The following BICC1 variants were observed in gnomAD, a reference collection of about 807,000 sequenced individuals.
BICC1 encodes protein bicaudal C homolog 1.
Under a neutral mutation model 111.0 loss-of-function variants are expected in BICC1, and 43 were observed. The ratio of observed to expected loss-of-function variants is 0.39; its 90% CI spans 0.30 to 0.50. The LOEUF (loss-of-function observed/expected upper bound fraction) is 0.50. Among genes scored for constraint, BICC1 ranks in the 20% least tolerant of loss-of-function variants. The pLI, the probability that BICC1 is intolerant of heterozygous loss-of-function variation, is 0.88. For synonymous variants in BICC1, 467 were observed against 434.4 expected (o/e 1.07, Z -0.93); for missense variants, 1,091 against 1,203.2 (o/e 0.91, Z 1.38).
chr10:58,625,626 A>G lies in BICC1; in HGVS notation c.237+4725A>G, dbSNP rs1466326422. Reference sequence around the variant, plus strand: ...AAAGGCTAACAGTAAGACTAAAACAATGAGATATTGATGGCTTATGTGGTT... The same window carrying G: ...AAAGGCTAACAGTAAGACTAAAACAGTGAGATATTGATGGCTTATGTGGTT... On this transcript the variant is annotated intron_variant, in intron 2 of 20. Coordinates refer to ENST00000373886, the MANE Select transcript of BICC1 (RefSeq NM_001080512.3). Among the ~76,000 whole-genome samples the G allele has an allele frequency of 2.0e-5, 3 of 152,362 alleles. No homozygotes were observed. In the East Asian group the frequency reaches 5.8e-4, roughly 29 times the overall value.
intron 3 of BICC1, among the ~76,000 whole-genome samples, chr10:58,713,968 A>G (rs1366787479): frequency 6.6e-6 from 1 of 152,200 alleles, no homozygotes; most frequent in African/African-American, 2.4e-5. Flanking sequence ...CACAGGGATC[A>G]TTTGGCAATA....
chr10:58,580,845 C>T (rs966215008), intron 1 of BICC1, among the ~76,000 whole-genome samples: 1 of 152,164 alleles, frequency 6.6e-6, no homozygotes, highest in African/African-American at 2.4e-5. Flanking sequence ...TTTTAAAGCT[C>T]AAACCATATC....
chr10:58,563,708 A>G (rs969316826), intron 1 of BICC1, among the ~76,000 whole-genome samples: 1 of 152,212 alleles, frequency 6.6e-6, no homozygotes, highest in Non-Finnish European at 1.5e-5. Context: ...ATGTACTTTG[A>G]AAATCAGAGA....
intron 3 of BICC1, among the ~76,000 whole-genome samples, chr10:58,778,378 A>AAAT (rs1842802451): frequency 6.6e-6 from 1 of 152,328 alleles, no homozygotes; most frequent in East Asian, 1.9e-4. Context: ...AAACTTTATT[A>AAAT]ATAGCCTGCT....
intron 1 of BICC1, among the ~76,000 whole-genome samples, chr10:58,610,690 A>G (rs1048203449): frequency 6.6e-6 from 1 of 150,856 alleles, no homozygotes; most frequent in African/African-American, 2.4e-5. Flanking sequence ...GTTTCATTTG[A>G]TGTGACCTTT....
At chr10:58,739,223 A>G (rs1015576732) in intron 3 of BICC1, among the ~76,000 whole-genome samples, 2 of 152,184 alleles carry the variant, frequency 1.3e-5, no homozygotes, top group Non-Finnish European at 1.5e-5. Context: ...TGGGTTTGTC[A>G]TAGATAGCTC....
chr10:58,690,295 G>C (rs1350451612), intron 2 of BICC1, among the ~76,000 whole-genome samples: 1 of 137,854 alleles, frequency 7.3e-6, no homozygotes, highest in Non-Finnish European at 1.5e-5. Flanking sequence ...GGCTGTGAAA[G>C]AGATACATTT....
At chr10:58,747,716 T>C (rs1841874486) in intron 3 of BICC1, among the ~76,000 whole-genome samples, 1 of 152,166 alleles carries the variant, frequency 6.6e-6, no homozygotes, top group South Asian at 2.1e-4. Flanking sequence ...AATGGCTATT[T>C]GAAACCCTGT....
chr10:58,753,394 C>T (rs947724649), intron 3 of BICC1, among the ~76,000 whole-genome samples: 1 of 152,150 alleles, frequency 6.6e-6, no homozygotes, highest in African/African-American at 2.4e-5. Flanking sequence ...TCTCAAACCT[C>T]CAGGGCTCAA....
At chr10:58,568,682 GA>G (rs565069986) in intron 1 of BICC1, among the ~76,000 whole-genome samples, 164 of 152,242 alleles carry the variant, frequency 1.1e-3, no homozygotes, top group African/African-American at 3.8e-3. Context: ...TTTAGGTAAG[GA>G]TTGGTCTTTG....
chr10:58,823,677 CT>C (rs201931483), intron 20 of BICC1: 21 of 984,000 alleles, frequency 2.1e-5, no homozygotes, highest in South Asian at 4.7e-5. Flanking sequence ...GGCCTCATTC[CT>C]TTTTTTTCTT....
intron 3 of BICC1, among the ~76,000 whole-genome samples, chr10:58,749,963 A>G (rs765528233): frequency 6.6e-6 from 1 of 152,170 alleles, no homozygotes; most frequent in Non-Finnish European, 1.5e-5. Flanking sequence ...GATGTTTCAT[A>G]TGATCTGGAG....
intron 3 of BICC1, among the ~76,000 whole-genome samples, chr10:58,708,933 A>G (rs1284497495): frequency 6.6e-6 from 1 of 152,198 alleles, no homozygotes; most frequent in Non-Finnish European, 1.5e-5. Flanking sequence ...TTTCCTTAAA[A>G]GGAAAACCTT....
chr10:58,791,172 GTAC>G (rs1357706192), intron 8 of BICC1, among the ~76,000 whole-genome samples: 3 of 152,038 alleles, frequency 2.0e-5, no homozygotes, highest in South Asian at 2.1e-4. Flanking sequence ...TTAATATACT[GTAC>G]TACAAGTCAG....
chr10:58,724,002 C>T (rs1181709175), intron 3 of BICC1, among the ~76,000 whole-genome samples: 1 of 152,206 alleles, frequency 6.6e-6, no homozygotes, highest in Non-Finnish European at 1.5e-5. Context: ...TTAGTGTCAA[C>T]ATGATGAGTT....
chr10:58,739,580 C>T (rs1841587292), intron 3 of BICC1, among the ~76,000 whole-genome samples: 2 of 151,804 alleles, frequency 1.3e-5, no homozygotes, highest in South Asian at 2.1e-4. Flanking sequence ...AATTTCTCTC[C>T]AACAATTCTT....
intron 2 of BICC1, among the ~76,000 whole-genome samples, chr10:58,675,733 A>G (rs1325963180): frequency 6.6e-6 from 1 of 152,256 alleles, no homozygotes; most frequent in East Asian, 1.9e-4. Flanking sequence ...GATAATCATT[A>G]CAGAATGTAA....
At chr10:58,652,311 C>G (rs544813704) in intron 2 of BICC1, among the ~76,000 whole-genome samples, 1 of 152,168 alleles carries the variant, frequency 6.6e-6, no homozygotes, top group East Asian at 1.9e-4. Context: ...GTTTTGAGGT[C>G]CTTAGCGGTA....
chr10:58,799,027 A>C, intron 11 of BICC1, 29 bp from the exon 12 acceptor site: 3 of 1,439,242 alleles, frequency 2.1e-6, no homozygotes, highest in Non-Finnish European at 2.8e-6. Flanking sequence ...TTTCTTCCTA[A>C]TATCTGTCAT....
Sources: allele counts gnomAD v4.1 joint callset (sites outside exome capture counted in the v4.1 genomes callset), GRCh38; gene constraint gnomAD v4.1.1; transcripts MANE v1.5; gene names NCBI Gene and HGNC (gene_info 2026-07-23, HGNC 2026-07-21).